PARD3: variants seen among roughly 807,000 people sequenced by gnomAD.
PARD3 encodes the protein par-3 family cell polarity regulator.
In PARD3, 75 loss-of-function variants were observed where a neutral mutation model predicts 155.4. That is an observed-to-expected ratio of 0.48 (90% confidence interval 0.40 to 0.58). The LOEUF (loss-of-function observed/expected upper bound fraction) is 0.58. PARD3 is among the 20% of genes least tolerant of loss of function. The pLI is 0.00. For missense variants in PARD3, 1,642 were observed against 1,721.7 expected (o/e 0.95, Z 0.82); for synonymous variants, 576 against 610.5 (o/e 0.94, Z 0.83).
intron 22 of PARD3, among the ~76,000 whole-genome samples, chr10:34,221,827 G>A (rs761202390): frequency 4.6e-5 from 7 of 152,170 alleles, no homozygotes; most frequent in Non-Finnish European, 8.8e-5. Context: ...AGTTAGTTTT[G>A]TGTTGTGTTT....
At chr10:34,492,268 T>C (rs2079965320) in intron 3 of PARD3, among the ~76,000 whole-genome samples, 1 of 152,166 alleles carries the variant, frequency 6.6e-6, no homozygotes, top group African/African-American at 2.4e-5. Context: ...GGACGAAGCA[T>C]GTGGCTGAAG....
At chr10:34,677,783 G>A (rs1047462949) in intron 2 of PARD3, among the ~76,000 whole-genome samples, 5 of 152,018 alleles carry the variant, frequency 3.3e-5, no homozygotes, top group South Asian at 2.1e-4. Context: ...GAAAATCACC[G>A]TTCTAATGAA....
intron 2 of PARD3, among the ~76,000 whole-genome samples, chr10:34,685,494 C>T (rs931692605): frequency 2.6e-5 from 4 of 152,170 alleles, no homozygotes; most frequent in South Asian, 2.1e-4. Context: ...TGTTTACTTA[C>T]GGAAATTAAG....
intron 11 of PARD3, among the ~76,000 whole-genome samples, chr10:34,373,466 G>C (rs1365779368): frequency 6.6e-6 from 1 of 151,766 alleles, no homozygotes; most frequent in Admixed American, 6.6e-5. Flanking sequence ...ATGCTAACTA[G>C]TGCACTCCGA....
At chr10:34,291,355 C>G (rs1564553316) in intron 20 of PARD3, among the ~76,000 whole-genome samples, 1 of 152,192 alleles carries the variant, frequency 6.6e-6, no homozygotes, top group Non-Finnish European at 1.5e-5. Context: ...TTGGTCTGAA[C>G]TTGGATATGC....
chr10:34,352,118 T>C (rs1215013737), intron 14 of PARD3, among the ~76,000 whole-genome samples: 1 of 152,208 alleles, frequency 6.6e-6, no homozygotes, highest in Non-Finnish European at 1.5e-5. Flanking sequence ...ACTTCTAACA[T>C]GGATATAATA....
intron 14 of PARD3, among the ~76,000 whole-genome samples, chr10:34,350,334 A>C (rs1290459430): frequency 6.6e-6 from 1 of 152,102 alleles, no homozygotes; most frequent in Non-Finnish European, 1.5e-5. Flanking sequence ...CAGGCTCCTT[A>C]TATTAAAACC....
At chr10:34,130,818 T>C (rs1034530702) in intron 23 of PARD3, among the ~76,000 whole-genome samples, 1 of 152,156 alleles carries the variant, frequency 6.6e-6, no homozygotes, top group Admixed American at 6.6e-5. Flanking sequence ...CCTGACACTT[T>C]GGGAGACTGA....
chr10:34,774,741 A>C (rs1839323674), intron 1 of PARD3, among the ~76,000 whole-genome samples: 1 of 152,246 alleles, frequency 6.6e-6, no homozygotes, highest in Non-Finnish European at 1.5e-5. Context: ...ATTGGCTTGA[A>C]TTAAAACTAC....
chr10:34,341,396 A>G (rs1836815512), intron 16 of PARD3, among the ~76,000 whole-genome samples: 1 of 152,186 alleles, frequency 6.6e-6, no homozygotes, highest in South Asian at 2.1e-4. Context: ...TTTGACTGGT[A>G]GTAGTTTTGT....
At chr10:34,792,951 T>C (rs776448968) in intron 1 of PARD3, among the ~76,000 whole-genome samples, 13 of 152,258 alleles carry the variant, frequency 8.5e-5, no homozygotes, top group Admixed American at 3.3e-4. Flanking sequence ...TTTATATACC[T>C]TGAATTCAAC....
chr10:34,521,257 A>G (rs1483754512), intron 2 of PARD3, among the ~76,000 whole-genome samples: 1 of 152,074 alleles, frequency 6.6e-6, no homozygotes, highest in Non-Finnish European at 1.5e-5. Context: ...TTTCTTTTAA[A>G]CCAAAATTTA....
At chr10:34,794,946 C>T (rs925297128) in intron 1 of PARD3, among the ~76,000 whole-genome samples, 3 of 152,404 alleles carry the variant, frequency 2.0e-5, no homozygotes, top group East Asian at 1.9e-4. Context: ...GCCTTGGACA[C>T]TCCTCACACT....
intron 5 of PARD3, among the ~76,000 whole-genome samples, chr10:34,412,643 A>G (rs971114525): frequency 6.6e-6 from 1 of 152,226 alleles, no homozygotes; most frequent in Non-Finnish European, 1.5e-5. Flanking sequence ...GTTTCATTAG[A>G]TTTAATAACC....
intron 22 of PARD3, among the ~76,000 whole-genome samples, chr10:34,229,187 C>T (rs1282333589): frequency 6.6e-6 from 1 of 152,026 alleles, no homozygotes; most frequent in African/African-American, 2.4e-5. Context: ...CATGAGATGC[C>T]TCTCCTCCAA....
chr10:34,185,743 C>A (rs992239836), intron 22 of PARD3, among the ~76,000 whole-genome samples: 9 of 151,496 alleles, frequency 5.9e-5, no homozygotes, highest in Non-Finnish European at 1.2e-4. Flanking sequence ...AGAGCAGTTA[C>A]AGAGAACATC....
chr10:34,410,092 T>G (rs560547174), intron 5 of PARD3, among the ~76,000 whole-genome samples: 1 of 152,292 alleles, frequency 6.6e-6, no homozygotes, highest in South Asian at 2.1e-4. Context: ...AAGGGCTAAC[T>G]AGGTGCTCAA....
At chr10:34,353,384 T>C (rs1357622325) in intron 14 of PARD3, among the ~76,000 whole-genome samples, 5 of 152,230 alleles carry the variant, frequency 3.3e-5, no homozygotes, top group African/African-American at 1.2e-4. Flanking sequence ...AAAATTCTTC[T>C]GCCTTGGGAT....
At chr10:34,440,852 A>C (rs1341297554) in intron 5 of PARD3, among the ~76,000 whole-genome samples, 1 of 152,066 alleles carries the variant, frequency 6.6e-6, no homozygotes, top group Admixed American at 6.6e-5. Flanking sequence ...CAAGTGGTCA[A>C]GCAGAAGCTC....
Sources: allele counts gnomAD v4.1 joint callset (sites outside exome capture counted in the v4.1 genomes callset), GRCh38; gene constraint gnomAD v4.1.1; transcripts MANE v1.5; gene names NCBI Gene and HGNC (gene_info 2026-07-23, HGNC 2026-07-21).